Variants in SLC36A3 observed in about 807,000 individuals in gnomAD.
SLC36A3 encodes the protein proton-coupled amino acid transporter 3.
In SLC36A3, 35 loss-of-function variants were observed where a neutral mutation model predicts 44.3. That is an observed-to-expected ratio of 0.79 (90% CI 0.60 to 1.05). SLC36A3 has a LOEUF of 1.05. Among genes scored for constraint, SLC36A3 ranks in the 50% least tolerant of loss-of-function variants. The pLI is 0.00. For synonymous variants in SLC36A3, 211 were observed against 227.6 expected (o/e 0.93, Z 0.66); for missense variants, 540 against 578.7 (o/e 0.93, Z 0.69).
At chr5:151,285,007 C>A (rs1281108881) in intron 6 of SLC36A3, among the ~76,000 whole-genome samples, 1 of 152,186 alleles carries the variant, frequency 6.6e-6, no homozygotes, top group East Asian at 1.9e-4. Context: ...ATTTTCATCA[C>A]CCCAAATGGA....
chr5:151,280,939 A>C (rs1754284638), intron 9 of SLC36A3, 75 bp downstream of exon 9: 1 of 1,578,064 alleles, frequency 6.3e-7, no homozygotes, highest in Non-Finnish European at 8.7e-7. Flanking sequence ...TGGCAGATCC[A>C]ATGATGGTGG....
chr5:151,295,098 A>G (rs114150380), intron 3 of SLC36A3, among the ~76,000 whole-genome samples: 264 of 152,306 alleles, frequency 1.7e-3, no homozygotes, highest in African/African-American at 6.0e-3. Flanking sequence ...GGCTTTCAGA[A>G]ATGGCCTGAT....
At chr5:151,282,357 G>A (rs979607613) in intron 8 of SLC36A3, among the ~76,000 whole-genome samples, 1 of 151,864 alleles carries the variant, frequency 6.6e-6, no homozygotes, top group Admixed American at 6.6e-5. Context: ...TAGTAGAGAC[G>A]GGGTTTCTCT....
chr5:151,291,919 G>T (rs1754771091), intron 4 of SLC36A3, among the ~76,000 whole-genome samples: 2 of 152,150 alleles, frequency 1.3e-5, no homozygotes, highest in African/African-American at 2.4e-5. Context: ...GGAGTGCAAT[G>T]GTGCGATCTC....
At chr5:151,296,432 G>A in intron 2 of SLC36A3, 164 bp from the exon 3 acceptor site, 1 of 650,810 alleles carries the variant, frequency 1.5e-6, no homozygotes, top group Non-Finnish European at 2.8e-6. Context: ...GAATTTGAAT[G>A]CTCTTCTTAG....
intron 3 of SLC36A3, among the ~76,000 whole-genome samples, 171 bp from the exon 4 acceptor site, chr5:151,293,630 T>G (rs951796102): frequency 1.3e-5 from 2 of 152,282 alleles, no homozygotes; most frequent in Non-Finnish European, 2.9e-5. Flanking sequence ...TTGCCTTTTT[T>G]TCTTTTTTTG....
intron 4 of SLC36A3, among the ~76,000 whole-genome samples, chr5:151,289,702 G>A (rs955518802): frequency 2.0e-5 from 3 of 152,076 alleles, no homozygotes; most frequent in African/African-American, 4.8e-5. Context: ...CCACATTGCG[G>A]GCTTGTATGA....
At chr5:151,300,497 A>C (rs902762792) in intron 1 of SLC36A3, among the ~76,000 whole-genome samples, 3 of 152,178 alleles carry the variant, frequency 2.0e-5, no homozygotes, top group African/African-American at 7.2e-5. Context: ...GTCAATTCTT[A>C]AGTAGTAATT....
chr5:151,299,262 CTCTATA>C lies in SLC36A3; in HGVS notation c.129-585_129-580del, dbSNP rs1398730360. ...TCTCTCTCTCTCTCTCTCTCTCTCTCTCTATATATATATATATATATATATATATGA... is the reference window on the plus strand; with the variant it reads ...TCTCTCTCTCTCTCTCTCTCTCTCTCTATATATATATATATATATATATGA... On this transcript the variant is annotated intron_variant, in intron 1 of 9. Transcript: ENST00000335230. Among the ~76,000 whole-genome samples, 494 of 64,392 alleles carry C rather than the reference CTCTATA, an allele frequency of 7.7e-3. 2 individuals are homozygous for C. Among genetic ancestry groups the C allele is most frequent in the African/African-American group, 0.017 (268 of 16,118 alleles). 42.2% of individuals were successfully genotyped at this position (64,392 alleles called of 152,430 possible). A position where few individuals can be genotyped will look rare whatever the true frequency, so the allele number is the denominator to read the frequency against.
At position 151,281,086 on chromosome 5, in the gene SLC36A3, T is replaced by C. The variant is rs1256491267; in HGVS notation, c.1072A>G (p.Ile358Val). The C allele has an allele frequency of 1.9e-6, 3 of 1,614,152 alleles. No individual in the cohort carries two copies. The highest frequency in any genetic ancestry group is 1.7e-6 in the Non-Finnish European group (2 of 1,180,014). ...GCCCAGCTCTCTGACACTTGGGAGA[T>C]GGCAAACGGGATGATGATCTCAGCT... ...VPAEIIIPFA[I>V]SQVSESWALF... Residue 358 changes from isoleucine (I) to valine (V), a missense_variant, in exon 9 of 10, where the codon ATC becomes GTC. Transcript: ENST00000335230.
chr5:151,292,526 C>G (rs1027777513), intron 4 of SLC36A3, among the ~76,000 whole-genome samples: 1 of 152,194 alleles, frequency 6.6e-6, no homozygotes, highest in African/African-American at 2.4e-5. Flanking sequence ...CCCTGCCTAC[C>G]TCACAAGGCT....
At chr5:151,278,838 T>A (rs903360554) in intron 9 of SLC36A3, among the ~76,000 whole-genome samples, 1 of 152,158 alleles carries the variant, frequency 6.6e-6, no homozygotes, top group African/African-American at 2.4e-5. Flanking sequence ...GCATCAGTCT[T>A]CCAGGAAAGC....
In SLC36A3 at chr5:151,287,478, C is replaced by T; in HGVS notation, c.490-14G>A. On this transcript the variant is annotated splice_polypyrimidine_tract_variant and intron_variant, in intron 5 of 9. Coordinates refer to ENST00000335230, the MANE Select transcript of SLC36A3 (RefSeq NM_181774.4). ...TTTTTCCACCATCTGACATAAAGCA[C>T]AATGACAGGCAGTGTGGTTGCTACG... The T allele has an allele frequency of 6.2e-7, 1 of 1,611,202 alleles. No homozygotes were observed. Among genetic ancestry groups the T allele is most frequent in the Non-Finnish European group, 8.5e-7 (1 of 1,177,602 alleles).
chr5:151,301,972 T>C (rs189176682), intron 1 of SLC36A3, among the ~76,000 whole-genome samples: 1 of 152,348 alleles, frequency 6.6e-6, no homozygotes, highest in African/African-American at 2.4e-5. Context: ...TTATTTATAT[T>C]TCATTATACT....
At chr5:151,286,506 G>A (rs1489766823) in intron 6 of SLC36A3, among the ~76,000 whole-genome samples, 2 of 152,190 alleles carry the variant, frequency 1.3e-5, no homozygotes, top group East Asian at 1.9e-4. Flanking sequence ...TTGTCCAGCT[G>A]GTCTTGAACT....
At chr5:151,289,141 T>C (rs1388592121) in intron 4 of SLC36A3, 1 of 152,810 alleles carries the variant, frequency 6.5e-6, no homozygotes, top group African/African-American at 2.4e-5. Context: ...AGCCAGAAAA[T>C]CAACTTCAAT....
rs1219801677 is a variant in SLC36A3 at position 151,303,510 on chromosome 5, TCA to T, written c.-158_-157del. 2 of 725,488 alleles carry T rather than the reference TCA, an allele frequency of 2.8e-6. No individual in the cohort carries two copies. The highest frequency in any genetic ancestry group is 3.5e-5 in the African/African-American group (2 of 56,422). The allele number at this position is 725,488 out of a possible 1,614,324, so 44.9% of individuals were successfully genotyped here. ...CTGGCTGAAGCCTGAAGTGCATGAA[TCA>T]GGGAAGCGGTGGTGGCAGGAGAGGC... On this transcript the variant is annotated 5_prime_UTR_variant, in exon 1 of 10. Coordinates refer to ENST00000335230, the MANE Select transcript of SLC36A3 (RefSeq NM_181774.4).
At chr5:151,299,405 T>C (rs555875455) in intron 1 of SLC36A3, among the ~76,000 whole-genome samples, 1 of 147,974 alleles carries the variant, frequency 6.8e-6, no homozygotes, top group Non-Finnish European at 1.5e-5. Flanking sequence ...TATATATATA[T>C]GAATTGCTAT....
At chr5:151,293,337 T>A (rs1301350348) in intron 4 of SLC36A3, 27 bp downstream of exon 4, 1 of 1,570,454 alleles carries the variant, frequency 6.4e-7, no homozygotes, top group South Asian at 1.2e-5. Flanking sequence ...TTTTTGTTGT[T>A]ACTACTACAA....
Sources: allele counts gnomAD v4.1 joint callset (sites outside exome capture counted in the v4.1 genomes callset), GRCh38; gene constraint gnomAD v4.1.1; transcripts MANE v1.5; gene names NCBI Gene and HGNC (gene_info 2026-07-23, HGNC 2026-07-21).